Variants in ANO6 observed in about 807,000 individuals in gnomAD.
ANO6 encodes the protein anoctamin-6.
ANO6 carries 106 observed loss-of-function variants against 117.5 expected under a neutral mutation model. The ratio of observed to expected loss-of-function variants is 0.90; its 90% CI spans 0.77 to 1.06. The LOEUF (loss-of-function observed/expected upper bound fraction) is 1.06. Ranked by LOEUF, ANO6 falls within the 50% of genes least tolerant of loss-of-function variation. The pLI, the probability that ANO6 is intolerant of heterozygous loss-of-function variation, is 0.00. For synonymous variants in ANO6, 367 were observed against 385.1 expected (o/e 0.95, Z 0.55); for missense variants, 955 against 1,121.1 (o/e 0.85, Z 2.12).
At chr12:45,245,592 G>C (rs1947813267) in intron 1 of ANO6, among the ~76,000 whole-genome samples, 1 of 151,790 alleles carries the variant, frequency 6.6e-6, no homozygotes, top group Non-Finnish European at 1.5e-5. Context: ...GTAGAAAGGG[G>C]TTATTTTCTG....
At chr12:45,226,979 A>ATT (rs1421683821) in intron 1 of ANO6, among the ~76,000 whole-genome samples, 1 of 133,808 alleles carries the variant, frequency 7.5e-6, no homozygotes, top group African/African-American at 2.8e-5. Context: ...AAAAATTATC[A>ATT]TTTTCTTTTT....
intron 2 of ANO6, among the ~76,000 whole-genome samples, chr12:45,323,847 G>A (rs990250141): frequency 6.0e-5 from 3 of 49,660 alleles, no homozygotes; most frequent in African/African-American, 1.5e-4. Context: ...TCTTTTAAGA[G>A]AGTTTTGTAA....
chr12:45,421,783 A>C (rs1287249534), intron 18 of ANO6, among the ~76,000 whole-genome samples: 6 of 152,240 alleles, frequency 3.9e-5, no homozygotes, highest in African/African-American at 1.4e-4. Context: ...GCTGAACAGT[A>C]TTATCTAAAA....
intron 1 of ANO6, among the ~76,000 whole-genome samples, chr12:45,227,747 G>T: frequency 6.6e-6 from 1 of 151,988 alleles, no homozygotes; most frequent in South Asian, 2.1e-4. Flanking sequence ...TATAGGAACT[G>T]CTCAATAGTG....
chr12:45,341,212 A>C (rs902487640), intron 3 of ANO6, among the ~76,000 whole-genome samples: 1 of 152,338 alleles, frequency 6.6e-6, no homozygotes, highest in South Asian at 2.1e-4. Flanking sequence ...ACTAAAATAG[A>C]ATAAATTAGT....
At chr12:45,312,823 G>A (rs1335964642) in intron 2 of ANO6, among the ~76,000 whole-genome samples, 1 of 151,916 alleles carries the variant, frequency 6.6e-6, no homozygotes, top group Non-Finnish European at 1.5e-5. Context: ...AATTGTAATG[G>A]GCAAACCAAT....
chr12:45,344,076 G>A (rs1375197584), intron 3 of ANO6, among the ~76,000 whole-genome samples: 1 of 152,198 alleles, frequency 6.6e-6, no homozygotes, highest in African/African-American at 2.4e-5. Flanking sequence ...TAAAATGGGT[G>A]TCCATAAAGA....
intron 1 of ANO6, among the ~76,000 whole-genome samples, chr12:45,293,200 T>A (rs1305795764): frequency 1.3e-5 from 2 of 152,200 alleles, no homozygotes; most frequent in African/African-American, 2.4e-5. Flanking sequence ...AGTGACAAAT[T>A]TATAATTAAT....
At chr12:45,222,345 G>T (rs772770218) in intron 1 of ANO6, among the ~76,000 whole-genome samples, 1 of 151,970 alleles carries the variant, frequency 6.6e-6, no homozygotes, top group Non-Finnish European at 1.5e-5. Context: ...ATTTTTAATA[G>T]AAATGGGGTT....
rs1395275316 is a variant in ANO6, at chr12:45,432,256, T to TAATA, written c.*2946_*2949dup. The TAATA allele has an allele frequency of 7.3e-6, 7 of 960,678 alleles. No individual in the cohort carries two copies. The African/African-American group carries it at 1.2e-4, about 17-fold the overall frequency. 59.5% of individuals were successfully genotyped at this position (960,678 alleles called of 1,614,324 possible). On this transcript the variant is annotated 3_prime_UTR_variant, in exon 20 of 20. Transcript: ENST00000320560. ...AATTAATGTTAATTTCTGTGCATTTTAATATTCTTTTATAATTATTAATGT... is the reference window on the plus strand; with the variant it reads ...AATTAATGTTAATTTCTGTGCATTTTAATAAATATTCTTTTATAATTATTAATGT...
At chr12:45,426,652 C>G (rs1324856790) in intron 19 of ANO6, among the ~76,000 whole-genome samples, 8 of 152,066 alleles carry the variant, frequency 5.3e-5, no homozygotes, top group Admixed American at 3.9e-4. Flanking sequence ...TTTTCCTCAT[C>G]ACTTGCCCCT....
chr12:45,256,098 A>T (rs971107919), intron 1 of ANO6, among the ~76,000 whole-genome samples: 1 of 152,170 alleles, frequency 6.6e-6, no homozygotes, highest in Admixed American at 6.5e-5. Context: ...TGCTGGGATT[A>T]CAGGCATGAT....
At chr12:45,259,439 C>T (rs969078560) in intron 1 of ANO6, among the ~76,000 whole-genome samples, 3 of 152,162 alleles carry the variant, frequency 2.0e-5, no homozygotes, top group African/African-American at 7.2e-5. Flanking sequence ...ACGATTTTAA[C>T]AGTACACCCT....
At chr12:45,301,097 A>C (rs938642869) in intron 1 of ANO6, among the ~76,000 whole-genome samples, 5 of 152,240 alleles carry the variant, frequency 3.3e-5, no homozygotes, top group African/African-American at 1.2e-4. Flanking sequence ...GTGAGTATAA[A>C]ATATACACTG....
chr12:45,301,820 G>T (rs1029023377), intron 1 of ANO6, among the ~76,000 whole-genome samples, 194 bp from the exon 2 acceptor site: 1 of 152,146 alleles, frequency 6.6e-6, no homozygotes, highest in African/African-American at 2.4e-5. Context: ...CCCTGGCATC[G>T]TCTGGTAGAT....
At chr12:45,283,531 A>G (rs1228443833) in intron 1 of ANO6, among the ~76,000 whole-genome samples, 2 of 152,200 alleles carry the variant, frequency 1.3e-5, no homozygotes, top group African/African-American at 2.4e-5. Context: ...ACAAACATTT[A>G]TTGGTTGAAG....
intron 1 of ANO6, among the ~76,000 whole-genome samples, chr12:45,233,670 T>C (rs1475965747): frequency 6.6e-6 from 1 of 152,204 alleles, no homozygotes; most frequent in Non-Finnish European, 1.5e-5. Context: ...ATTTTACATA[T>C]AGTAAAATGT....
chr12:45,328,756 G>GT (rs1279973790), intron 2 of ANO6, among the ~76,000 whole-genome samples: 1 of 151,998 alleles, frequency 6.6e-6, no homozygotes, highest in Non-Finnish European at 1.5e-5. Flanking sequence ...TATTATTACA[G>GT]TTTTTTTCCC....
In ANO6 at chr12:45,432,298, T is replaced by C; in HGVS notation, c.*2987T>C. On this transcript the variant is annotated 3_prime_UTR_variant, in exon 20 of 20. Coordinates refer to ENST00000320560, the MANE Select transcript of ANO6 (RefSeq NM_001025356.3). Reference sequence around the variant, plus strand: ...TATTAATGTTAATTTCTGTGCATTTTAATATTCTTTTATAATTATGAGCAT... The same window carrying C: ...TATTAATGTTAATTTCTGTGCATTTCAATATTCTTTTATAATTATGAGCAT... The C allele has an allele frequency of 1.1e-6, 1 of 912,538 alleles. No homozygotes were observed. The highest frequency in any genetic ancestry group is 1.3e-6 in the Non-Finnish European group (1 of 764,350). The allele number at this position is 912,538 out of a possible 1,614,324, so 56.5% of individuals were successfully genotyped here.
Sources: allele counts gnomAD v4.1 joint callset (sites outside exome capture counted in the v4.1 genomes callset), GRCh38; gene constraint gnomAD v4.1.1; transcripts MANE v1.5; gene names NCBI Gene and HGNC (gene_info 2026-07-23, HGNC 2026-07-21).